The following CUL3 variants were observed in gnomAD, a reference collection of about 807,000 sequenced individuals.
CUL3 encodes the protein cullin-3.
A neutral mutation model predicts 89.1 loss-of-function variants in CUL3; 19 were observed. The ratio of observed to expected loss-of-function variants is 0.21; its 90% CI spans 0.15 to 0.31. The LOEUF (loss-of-function observed/expected upper bound fraction) is 0.31. CUL3 is among the 10% of genes least tolerant of loss of function. CUL3 has a pLI of 1.00. For missense variants in CUL3, 469 were observed against 942.3 expected, an observed-to-expected ratio of 0.50 and a Z score of 6.58; for synonymous variants, 351 against 308.4, an observed-to-expected ratio of 1.14 and a Z score of -1.45.
intron 3 of CUL3, among the ~76,000 whole-genome samples, chr2:224,524,772 G>A (rs1257749554): frequency 6.6e-6 from 1 of 152,014 alleles, no homozygotes; most frequent in Non-Finnish European, 1.5e-5. Flanking sequence ...AAAACACCAT[G>A]CTTGCCCGTT....
chr2:224,510,062 TAG>T (rs1030971965), intron 6 of CUL3, among the ~76,000 whole-genome samples: 15 of 152,316 alleles, frequency 9.8e-5, no homozygotes, highest in African/African-American at 3.4e-4. Flanking sequence ...TAAAGTCTTA[TAG>T]AAACACAGGA....
chr2:224,577,208 G>A (rs1315919974), intron 1 of CUL3, among the ~76,000 whole-genome samples: 1 of 152,136 alleles, frequency 6.6e-6, no homozygotes, highest in East Asian at 1.9e-4. Flanking sequence ...CTGTAAGGTG[G>A]GTCTCATTAG....
intron 1 of CUL3, among the ~76,000 whole-genome samples, chr2:224,567,409 T>TG (rs1244033143): frequency 1.3e-5 from 2 of 151,934 alleles, no homozygotes; most frequent in Non-Finnish European, 2.9e-5. Context: ...TTTGTAGAGA[T>TG]GGGGGTCTTG....
intron 13 of CUL3, among the ~76,000 whole-genome samples, chr2:224,482,855 G>C (rs1293865643): frequency 6.6e-6 from 1 of 152,126 alleles, no homozygotes. Flanking sequence ...TAAAAGTCTT[G>C]ACACTAGGAT....
intron 6 of CUL3, among the ~76,000 whole-genome samples, chr2:224,507,819 G>A (rs1191803939): frequency 1.3e-5 from 2 of 152,100 alleles, no homozygotes; most frequent in Non-Finnish European, 2.9e-5. Flanking sequence ...CTTACTGGGA[G>A]AACACAGTGT....
Position 224,514,619 on chromosome 2 carries a change from C to T in CUL3, c.532G>A (p.Val178Ile), listed in dbSNP as rs1200173088. 3.7e-6 allele frequency: 6 copies of T among 1,610,852 alleles called. No individual in the cohort carries two copies. Among genetic ancestry groups the T allele is most frequent in the Non-Finnish European group, 3.4e-6 (4 of 1,178,034 alleles). ...TAAAGAGAGAAATTTTACCTGTCTA[C>T]GACTTCTCCTTTCCGCTCTCTTGCA... ...MIARERKGEV[V>I]DRGAIRNACQ... The change falls in exon 4 of 16, where the codon GTA becomes ATA. Residue 178 changes from valine (V) to isoleucine (I), a missense_variant. Around this residue, in one of 4 missense-constraint regions of CUL3, gnomAD observed 370 missense variants for 733.2 expected, o/e 0.50. Coordinates refer to ENST00000264414, the MANE Select transcript of CUL3 (RefSeq NM_003590.5).
rs2106331331 is a variant in CUL3 at position 224,584,980 on chromosome 2, G to A, written c.30C>T (p.Ser10=). MSNLSKGTG[S]RKDTKMRIRA... ...GGATCCGCATCTTGGTGTCCTTCCGGCTGCCCGTGCCTTTGCTCAGATTCG... is the reference window on the plus strand; with the variant it reads ...GGATCCGCATCTTGGTGTCCTTCCGACTGCCCGTGCCTTTGCTCAGATTCG... Residue 10 remains serine (S), a synonymous_variant, in exon 1 of 16, where the codon AGC becomes AGT. Coordinates refer to ENST00000264414, the MANE Select transcript of CUL3 (RefSeq NM_003590.5). 1 of 1,507,454 alleles carries A rather than the reference G, an allele frequency of 6.6e-7. No homozygotes were observed. Among genetic ancestry groups the A allele is most frequent in the South Asian group, 1.2e-5 (1 of 85,630 alleles). 93.4% of individuals were successfully genotyped at this position (1,507,454 alleles called of 1,614,324 possible). A position where few individuals can be genotyped will look rare whatever the true frequency, so the allele number is the denominator to read the frequency against.
At chr2:224,551,325 C>T (rs1354555546) in intron 2 of CUL3, among the ~76,000 whole-genome samples, 1 of 151,816 alleles carries the variant, frequency 6.6e-6, no homozygotes, top group Non-Finnish European at 1.5e-5. Flanking sequence ...CCTGCCTCAG[C>T]CTCCTGTGTA....
chr2:224,538,889 T>C (rs956054255), intron 2 of CUL3, among the ~76,000 whole-genome samples: 1 of 152,110 alleles, frequency 6.6e-6, no homozygotes, highest in Admixed American at 6.5e-5. Flanking sequence ...AGATTTTAAG[T>C]ACGATGCAGT....
In CUL3 at chr2:224,498,868, A is replaced by G. The variant is rs550152428; in HGVS notation, c.1611-1019T>C. The stretch of plus-strand genomic sequence containing the variant: ...TTATTTTTTTAATTTATGAAGCTAC[A>G]AGTCAATAATATGCTAGTGCTTCTG... On this transcript the variant is annotated intron_variant, in intron 11 of 15. Coordinates refer to ENST00000264414, the MANE Select transcript of CUL3 (RefSeq NM_003590.5). 1.2e-4 allele frequency among the ~76,000 whole-genome samples: 18 copies of G among 152,358 alleles called. No individual in the cohort carries two copies. In the South Asian group the frequency reaches 3.3e-3, roughly 28 times the overall value.
At chr2:224,558,808 C>T (rs1055637171) in intron 1 of CUL3, among the ~76,000 whole-genome samples, 5 of 151,858 alleles carry the variant, frequency 3.3e-5, no homozygotes, top group Non-Finnish European at 7.4e-5. Context: ...TATGGGAGGC[C>T]GAGGCGGGCG....
chr2:224,543,414 G>A, intron 2 of CUL3, among the ~76,000 whole-genome samples: 1 of 151,988 alleles, frequency 6.6e-6, no homozygotes. Context: ...GTATCACAGA[G>A]GTACAATAAC....
intron 2 of CUL3, among the ~76,000 whole-genome samples, chr2:224,555,739 T>C (rs1369109917): frequency 6.6e-6 from 1 of 152,170 alleles, no homozygotes; most frequent in African/African-American, 2.4e-5. Context: ...CACCACACTG[T>C]TCATATATAT....
At chr2:224,553,085 C>G (rs555540781) in intron 2 of CUL3, among the ~76,000 whole-genome samples, 31 of 152,074 alleles carry the variant, frequency 2.0e-4, no homozygotes, top group Non-Finnish European at 3.7e-4. Context: ...AGGAAACAAA[C>G]ATGTCAGAGG....
chr2:224,523,295 G>C (rs1474779680), intron 3 of CUL3, among the ~76,000 whole-genome samples: 1 of 151,782 alleles, frequency 6.6e-6, no homozygotes, highest in East Asian at 1.9e-4. Context: ...TGAAAGAAAA[G>C]CTTTTGTAAG....
intron 1 of CUL3, among the ~76,000 whole-genome samples, chr2:224,578,019 G>A (rs186995661): frequency 4.4e-4 from 67 of 152,288 alleles, no homozygotes; most frequent in South Asian, 1.5e-3. Flanking sequence ...GTATTCAATA[G>A]AGTTTGCTCA....
Position 224,581,771 on chromosome 2 carries a change from G to A in CUL3, c.66+3173C>T, listed in dbSNP as rs529133311. Among the ~76,000 whole-genome samples the A allele has an allele frequency of 2.8e-4, 43 of 151,744 alleles. 1 individual carries two copies. The highest frequency in any genetic ancestry group is 3.9e-4 in the Admixed American group (6 of 15,240). On this transcript the variant is annotated intron_variant, in intron 1 of 15. Coordinates refer to ENST00000264414, the MANE Select transcript of CUL3 (RefSeq NM_003590.5). ...GTGATCCGCCTGCCTTGCCTCTCCC[G>A]AAGTGCTAGGATTACAGGTGTGAAG... is the stretch of plus-strand genomic sequence containing the variant.
chr2:224,554,783 T>C (rs956427855), intron 2 of CUL3, among the ~76,000 whole-genome samples: 2 of 152,228 alleles, frequency 1.3e-5, no homozygotes, highest in African/African-American at 4.8e-5. Context: ...CATGCCCCTC[T>C]TCCAAGTTTA....
chr2:224,478,701 C>A (rs1433128487), intron 14 of CUL3: 2 of 181,158 alleles, frequency 1.1e-5, no homozygotes, highest in East Asian at 2.9e-4. Flanking sequence ...TATTTTATTA[C>A]CATGGCTCCA....
Sources: gnomAD v4.1 joint callset for allele counts (sites outside exome capture counted in the v4.1 genomes callset) on GRCh38, gnomAD v4.1.1 for gene constraint, gnomAD v4.1.1 regional missense constraint, MANE v1.5 for transcripts, NCBI Gene and HGNC (gene_info 2026-07-23, HGNC 2026-07-21) for gene names.